NAALADL2: variants seen among roughly 807,000 people sequenced by gnomAD.
NAALADL2 encodes N-acetylated alpha-linked acidic dipeptidase like 2.
Under a neutral mutation model 87.2 loss-of-function variants are expected in NAALADL2, and 76 were observed. That is an observed-to-expected ratio of 0.87 (90% CI 0.72 to 1.05). The LOEUF (loss-of-function observed/expected upper bound fraction) is 1.05. Among genes scored for constraint, NAALADL2 ranks in the 50% least tolerant of loss-of-function variants. NAALADL2 has a pLI of 0.00. For missense variants in NAALADL2, 1,089 were observed against 945.8 expected, an observed-to-expected ratio of 1.15 and a Z score of -1.99; for synonymous variants, 354 against 331.0, an observed-to-expected ratio of 1.07 and a Z score of -0.75.
rs113744234 is a variant in NAALADL2, at chr3:175,353,931, G to A, written c.1090+29606G>A. On this transcript the variant is annotated intron_variant, in intron 5 of 13. Coordinates refer to ENST00000454872, the MANE Select transcript of NAALADL2 (RefSeq NM_207015.3). The stretch of plus-strand genomic sequence containing the variant: ...GTCACTTGAAATTACCCAACAGCTG[G>A]AAGATTGACATCATATATGTAACAC... 1.5e-3 allele frequency among the ~76,000 whole-genome samples: 231 copies of A among 152,224 alleles called. 2 individuals carry two copies. Among genetic ancestry groups the A allele is most frequent in the African/African-American group, 5.2e-3 (218 of 41,530 alleles).
chr3:175,462,226 C>T (rs538761432), intron 6 of NAALADL2, among the ~76,000 whole-genome samples: 1 of 152,090 alleles, frequency 6.6e-6, no homozygotes, highest in Non-Finnish European at 1.5e-5. Context: ...AGTATTTTTG[C>T]AAACCTAAAA....
intron 11 of NAALADL2, among the ~76,000 whole-genome samples, chr3:175,690,941 G>T (rs1307273917): frequency 6.6e-6 from 1 of 151,640 alleles, no homozygotes; most frequent in African/African-American, 2.4e-5. Context: ...TTCTATGTTG[G>T]TAATTTTTCA....
At chr3:175,066,014 C>T (rs115712217) in intron 1 of NAALADL2, among the ~76,000 whole-genome samples, 2,118 of 152,130 alleles carry the variant, frequency 0.014, 48 homozygotes, top group African/African-American at 0.049. Flanking sequence ...ACAGTGTAAC[C>T]GAATGCACTT....
At chr3:174,808,222 A>G (rs908622282) in intron 3 of NAALADL2, among the ~76,000 whole-genome samples, 1 of 152,144 alleles carries the variant, frequency 6.6e-6, no homozygotes, top group African/African-American at 2.4e-5. Context: ...GAAATAATAA[A>G]TAAAATATGA....
intron 13 of NAALADL2, among the ~76,000 whole-genome samples, chr3:175,759,248 G>A (rs1747672994): frequency 6.6e-6 from 1 of 151,722 alleles, no homozygotes; most frequent in Non-Finnish European, 1.5e-5. Flanking sequence ...ATCAAATACA[G>A]GTACAGAATA....
intron 13 of NAALADL2, among the ~76,000 whole-genome samples, chr3:175,787,302 TC>T (rs1420798242): frequency 1.3e-5 from 2 of 151,804 alleles, no homozygotes; most frequent in Non-Finnish European, 2.9e-5. Flanking sequence ...CGGGTGCCCC[TC>T]CCCCAGCCTT....
intron 2 of NAALADL2, among the ~76,000 whole-genome samples, chr3:175,123,976 A>G (rs1464291678): frequency 2.0e-5 from 3 of 151,898 alleles, no homozygotes; most frequent in African/African-American, 4.8e-5. Flanking sequence ...TTTTCCTCTT[A>G]AGGAAAGAGA....
chr3:175,029,313 A>G (rs1402561060), intron 1 of NAALADL2, among the ~76,000 whole-genome samples: 1 of 152,048 alleles, frequency 6.6e-6, no homozygotes, highest in African/African-American at 2.4e-5. Context: ...TAGAGCTGAA[A>G]TTCCCATTTA....
chr3:175,531,102 G>A (rs1582275094), intron 9 of NAALADL2, among the ~76,000 whole-genome samples: 3 of 151,994 alleles, frequency 2.0e-5, no homozygotes, highest in Non-Finnish European at 4.4e-5. Flanking sequence ...CATGTGGCCC[G>A]AGTGACTGAG....
chr3:175,710,509 CTG>C (rs1449650254), intron 11 of NAALADL2, among the ~76,000 whole-genome samples: 3 of 151,600 alleles, frequency 2.0e-5, no homozygotes, highest in African/African-American at 4.8e-5. Context: ...GTTTTCTTCT[CTG>C]TAACTATTTC....
At chr3:175,392,409 A>G (rs995927632) in intron 5 of NAALADL2, among the ~76,000 whole-genome samples, 2 of 152,330 alleles carry the variant, frequency 1.3e-5, no homozygotes, top group South Asian at 4.1e-4. Flanking sequence ...AATTCAGAAG[A>G]CAAATCTTAC....
chr3:174,477,035 A>G (rs1479272840), intron 1 of NAALADL2, among the ~76,000 whole-genome samples: 1 of 151,898 alleles, frequency 6.6e-6, no homozygotes, highest in African/African-American at 2.4e-5. Context: ...AAAATTAAAG[A>G]AAAGCCAGGT....
rs1272777463 is a variant in NAALADL2, at chr3:175,605,650, T to TGTTGTTGTTG, written c.1801-21641_1801-21640insGTTGTTGTTG. 1.8e-3 allele frequency among the ~76,000 whole-genome samples: 267 copies of TGTTGTTGTTG among 146,316 alleles called. 2 individuals are homozygous for TGTTGTTGTTG. The highest frequency in any genetic ancestry group is 6.7e-3 in the African/African-American group (252 of 37,340). ...AGATGTATATTGCTTGTTTTTTTTT[T>TGTTGTTGTTG]TTTTTTAACTGTATTTAGATAACAC... On this transcript the variant is annotated intron_variant, in intron 10 of 13. Transcript: ENST00000454872.
chr3:175,709,000 A>C (rs562870057), intron 11 of NAALADL2, among the ~76,000 whole-genome samples: 1 of 151,958 alleles, frequency 6.6e-6, no homozygotes, highest in East Asian at 1.9e-4. Flanking sequence ...AACAGCTTAC[A>C]TGGAGTTTGT....
chr3:175,673,585 T>G (rs778246153), intron 11 of NAALADL2, among the ~76,000 whole-genome samples: 3 of 152,100 alleles, frequency 2.0e-5, no homozygotes, highest in Non-Finnish European at 2.9e-5. Flanking sequence ...TGATTTTAAC[T>G]TAATGTGCTT....
At chr3:175,050,540 T>G (rs1755242989) in intron 1 of NAALADL2, among the ~76,000 whole-genome samples, 1 of 152,200 alleles carries the variant, frequency 6.6e-6, no homozygotes, top group Non-Finnish European at 1.5e-5. Context: ...ATTTCAAAGT[T>G]TGATGTTTTC....
intron 1 of NAALADL2, among the ~76,000 whole-genome samples, chr3:174,452,493 A>G (rs1419309344): frequency 6.6e-6 from 1 of 152,004 alleles, no homozygotes; most frequent in Non-Finnish European, 1.5e-5. Flanking sequence ...CACCTTACAA[A>G]ATGCTTTATC....
chr3:175,555,464 A>G (rs1477470898), intron 9 of NAALADL2, among the ~76,000 whole-genome samples: 2 of 152,184 alleles, frequency 1.3e-5, no homozygotes, highest in African/African-American at 2.4e-5. Context: ...TCAAACCCGT[A>G]CACTGTACCC....
At chr3:175,333,686 G>A (rs983314717) in intron 5 of NAALADL2, among the ~76,000 whole-genome samples, 14 of 151,060 alleles carry the variant, frequency 9.3e-5, no homozygotes, top group Admixed American at 6.6e-5. Flanking sequence ...TGTGGTGGGC[G>A]CCGGGGGGAT....
Sources: allele counts gnomAD v4.1 joint callset (sites outside exome capture counted in the v4.1 genomes callset), GRCh38; gene constraint gnomAD v4.1.1; transcripts MANE v1.5; gene names NCBI Gene and HGNC (gene_info 2026-07-23, HGNC 2026-07-21).